FAM78A: variants seen among roughly 807,000 people sequenced by gnomAD.
FAM78A encodes family with sequence similarity 78 member A.
FAM78A carries 12 observed loss-of-function variants against 22.6 expected under a neutral mutation model. The observed-to-expected ratio is 0.53, with a 90% CI of 0.34 to 0.86. FAM78A has a LOEUF of 0.86. Ranked by LOEUF, FAM78A falls within the 40% of genes least tolerant of loss-of-function variation. The probability of loss-of-function intolerance (pLI) is 0.02; values close to 1 mark genes in which losing one functional copy is unlikely to be tolerated. For synonymous variants in FAM78A, 151 were observed against 155.8 expected (o/e 0.97, Z 0.23); for missense variants, 322 against 396.1 (o/e 0.81, Z 1.59).
In FAM78A at chr9:131,258,274, G is replaced by A. The variant is rs1835214545; in HGVS notation, c.*2548C>T. On this transcript the variant is annotated 3_prime_UTR_variant, in exon 2 of 2. Coordinates refer to ENST00000372271, the MANE Select transcript of FAM78A (RefSeq NM_033387.4). ...GTGAGTGGATGTCCACGCCAGGGCG[G>A]GGCTGGAGGACATAAGAAGAATCGG... The A allele has an allele frequency of 6.5e-6, 1 of 152,724 alleles. No individual in the cohort carries two copies. The highest frequency in any genetic ancestry group is 1.5e-5 in the Non-Finnish European group (1 of 68,098). The allele number at this position is 152,724 out of a possible 1,614,324, so 9.5% of individuals were successfully genotyped here. A position where few individuals can be genotyped will look rare whatever the true frequency, so the allele number is the denominator to read the frequency against.
Position 131,264,467 on chromosome 9 carries a change from C to T in FAM78A, c.324-3117G>A, listed in dbSNP as rs535669147. ...GGGTCCACTGTCAGCCCCAGCTACT[C>T]GCACTGTGGTCCAGTCACAGACGCG... On this transcript the variant is annotated intron_variant, in intron 1 of 1. Transcript: ENST00000372271. 3.8e-5 allele frequency: 25 copies of T among 651,344 alleles called. No homozygotes were observed. In the African/African-American group the frequency reaches 4.3e-4, roughly 11 times the overall value. The allele number at this position is 651,344 out of a possible 1,614,324, so 40.3% of individuals were successfully genotyped here.
At chr9:131,267,475 A>G (rs1227156802) in intron 1 of FAM78A, among the ~76,000 whole-genome samples, 1 of 152,210 alleles carries the variant, frequency 6.6e-6, no homozygotes, top group Non-Finnish European at 1.5e-5. Context: ...TCAAGGCTGC[A>G]GTGAGCTAGG....
chr9:131,266,985 T>G (rs1835353853), intron 1 of FAM78A, among the ~76,000 whole-genome samples: 1 of 152,220 alleles, frequency 6.6e-6, no homozygotes, highest in Non-Finnish European at 1.5e-5. Flanking sequence ...GACAGTCACC[T>G]TAGCACGCGG....
rs752976320 is a variant in FAM78A, at chr9:131,275,952, G to A, written c.228C>T (p.Val76=). 12 of 1,613,476 alleles carry A rather than the reference G, an allele frequency of 7.4e-6. No homozygotes were observed. Among genetic ancestry groups the A allele is most frequent in the Non-Finnish European group, 7.6e-6 (9 of 1,180,008 alleles). ...TCTCCTTCTTGGGGATGGGCGGCAT[G>A]ACCACCTGGGCCGAGGCCCGGAAGT... ...TPHFRASAQV[V]MPPIPKKETW... The change falls in exon 1 of 2, where the codon GTC becomes GTT. Residue 76 remains valine, a synonymous_variant. Transcript: ENST00000372271. This position sits in a 1 kb window ranked among gnomAD's most constrained non-coding sequence, Gnocchi z 4.6.
chr9:131,269,483 A>ATTTTTT (rs111550579), intron 1 of FAM78A, among the ~76,000 whole-genome samples: 12 of 142,474 alleles, frequency 8.4e-5, no homozygotes, highest in African/African-American at 2.8e-4. Flanking sequence ...TCACGTGTGC[A>ATTTTTT]TTTTTTTTTT....
chr9:131,262,444 C>G (rs1835285232), intron 1 of FAM78A, among the ~76,000 whole-genome samples: 1 of 150,742 alleles, frequency 6.6e-6, no homozygotes, highest in Non-Finnish European at 1.5e-5. Flanking sequence ...CCACTGCACT[C>G]CAGCATGGGT....
intron 1 of FAM78A, among the ~76,000 whole-genome samples, chr9:131,268,937 T>C (rs952898791): frequency 1.5e-4 from 22 of 146,268 alleles, no homozygotes; most frequent in African/African-American, 5.6e-4. Flanking sequence ...CGGTGGCTCA[T>C]GCCTGTAATC....
At chr9:131,278,195 C>T (rs981751188), upstream of FAM78A, among the ~76,000 whole-genome samples, 3 of 152,026 alleles carry the variant, frequency 2.0e-5, no homozygotes, top group African/African-American at 7.2e-5. Flanking sequence ...AGCTGAGCCT[C>T]TCCTTGAACA....
Position 131,261,500 on chromosome 9 carries a change from T to C in FAM78A, c.324-150A>G. 1.5e-6 allele frequency: 1 copy of C among 658,048 alleles called. No individual in the cohort carries two copies. The highest frequency in any genetic ancestry group is 2.1e-5 in the South Asian group (1 of 48,756). 40.8% of individuals were successfully genotyped at this position (658,048 alleles called of 1,614,324 possible). A position where few individuals can be genotyped will look rare whatever the true frequency, so the allele number is the denominator to read the frequency against. On this transcript the variant is annotated intron_variant, in intron 1 of 1. Coordinates refer to ENST00000372271, the MANE Select transcript of FAM78A (RefSeq NM_033387.4). The surrounding 1 kb of genome is among the most constrained non-coding windows in gnomAD (Gnocchi z 7.1). The stretch of plus-strand genomic sequence containing the variant: ...CCTTTGACGTTCTGGGGGCAGGGGG[T>C]CAGACAGTAGCTCGGAGTCACTGTC...
chr9:131,276,132 C>T lies in FAM78A; in HGVS notation c.48G>A (p.Ala16=), dbSNP rs559820418. 4 of 1,613,568 alleles carry T rather than the reference C, an allele frequency of 2.5e-6. No individual in the cohort carries two copies. The highest frequency in any genetic ancestry group is 3.4e-6 in the Non-Finnish European group (4 of 1,179,968). The part of the protein sequence containing the change: ...CDCWPSLEIR[A]LLYAMGCIQS... ...GAATACAGCCCATGGCATACAGGAG[C>T]GCTCTGATCTCCAGGGAAGGCCAGC... The change falls in exon 1 of 2, where the codon GCG becomes GCA. Residue 16 remains alanine, a synonymous_variant. Transcript: ENST00000372271. This position sits in a 1 kb window ranked among gnomAD's most constrained non-coding sequence, Gnocchi z 4.3.
At chr9:131,279,963 C>T (rs116781335), upstream of FAM78A, among the ~76,000 whole-genome samples, 1 of 152,202 alleles carries the variant, frequency 6.6e-6, no homozygotes, top group Non-Finnish European at 1.5e-5. Context: ...CCCCTCAGAA[C>T]TAGGATGGGA....
intron 1 of FAM78A, among the ~76,000 whole-genome samples, chr9:131,266,587 AAAG>A (rs1450889324): frequency 6.6e-6 from 1 of 151,280 alleles, no homozygotes; most frequent in Non-Finnish European, 1.5e-5. Flanking sequence ...CCACCACCCC[AAAG>A]AAGCCTGCCT....
At chr9:131,268,078 G>A (rs1588198705) in intron 1 of FAM78A, among the ~76,000 whole-genome samples, 1 of 151,086 alleles carries the variant, frequency 6.6e-6, no homozygotes, top group East Asian at 1.9e-4. Context: ...AAAGACTTGA[G>A]GCTCCAGGGC....
rs1368128374 is a variant in FAM78A, at chr9:131,275,204, C to T, written c.323+653G>A. On this transcript the variant is annotated intron_variant, in intron 1 of 1. Coordinates refer to ENST00000372271, the MANE Select transcript of FAM78A (RefSeq NM_033387.4). The surrounding 1 kb of genome is among the most constrained non-coding windows in gnomAD (Gnocchi z 4.6). ...TCCTCTTTGCTGTTCCTGTTAGGGC[C>T]TCGCCAGAGGGACACTGGACTTGTC... Among the ~76,000 whole-genome samples the T allele has an allele frequency of 6.6e-6, 1 of 152,190 alleles. No homozygotes were observed. Among genetic ancestry groups the T allele is most frequent in the Non-Finnish European group, 1.5e-5 (1 of 68,030 alleles).
In FAM78A at chr9:131,275,790, C is replaced by T; in HGVS notation, c.323+67G>A. 6.7e-7 allele frequency: 1 copy of T among 1,488,024 alleles called. No homozygotes were observed. The highest frequency in any genetic ancestry group is 9.0e-7 in the Non-Finnish European group (1 of 1,109,318). The allele number at this position is 1,488,024 out of a possible 1,614,324, so 92.2% of individuals were successfully genotyped here. ...TCTCCACCTTCCCCCTATCCGCGGC[C>T]CCCCACCAGGCCTCCAAGCTCGGCC... On this transcript the variant is annotated intron_variant, in intron 1 of 1. Transcript: ENST00000372271. The surrounding 1 kb of genome is among the most constrained non-coding windows in gnomAD (Gnocchi z 4.6).
In FAM78A at chr9:131,274,304, C is replaced by G. The variant is rs912850540; in HGVS notation, c.323+1553G>C. The stretch of plus-strand genomic sequence containing the variant: ...TCCAGGGAAGAAACTAGGCTTAGCC[C>G]AAAACCCCGAGGAAAACTTTTGTTT... On this transcript the variant is annotated intron_variant, in intron 1 of 1. Transcript: ENST00000372271. This position sits in a 1 kb window ranked among gnomAD's most constrained non-coding sequence, Gnocchi z 4.2. Among the ~76,000 whole-genome samples, 7 of 152,232 alleles carry G rather than the reference C, an allele frequency of 4.6e-5. No homozygotes were observed. In the East Asian group the frequency reaches 9.6e-4, roughly 21 times the overall value.
chr9:131,267,365 G>A (rs1835358170), intron 1 of FAM78A, among the ~76,000 whole-genome samples: 2 of 152,110 alleles, frequency 1.3e-5, no homozygotes, highest in Non-Finnish European at 1.5e-5. Context: ...ACCCTCGCCT[G>A]TACGAAAAAC....
upstream of FAM78A, among the ~76,000 whole-genome samples, chr9:131,276,969 C>G (rs1835495460): frequency 6.7e-6 from 1 of 149,554 alleles, no homozygotes; most frequent in Non-Finnish European, 1.5e-5. The surrounding 1 kb of genome is among the most constrained non-coding windows in gnomAD (Gnocchi z 4.3). Flanking sequence ...AGGGACAGCG[C>G]GTCAAGGCCA....
chr9:131,262,802 A>C (rs1291702738), intron 1 of FAM78A: 4 of 152,162 alleles, frequency 2.6e-5, no homozygotes, highest in Admixed American at 2.6e-4. Flanking sequence ...AAAAAAACAC[A>C]AACTGTGTGA....
Sources: gnomAD v4.1 joint callset for allele counts (sites outside exome capture counted in the v4.1 genomes callset) on GRCh38, gnomAD v4.1.1 for gene constraint, Gnocchi (gnomAD v3.1) non-coding constraint, MANE v1.5 for transcripts, NCBI Gene and HGNC (gene_info 2026-07-23, HGNC 2026-07-21) for gene names.